Variants in ADAMTSL5 observed in about 807,000 individuals in gnomAD.
ADAMTSL5 encodes the protein ADAMTS like 5.
A neutral mutation model predicts 51.7 loss-of-function variants in ADAMTSL5; 53 were observed. The observed-to-expected ratio is 1.03, with a 90% CI of 0.82 to 1.29. The LOEUF (loss-of-function observed/expected upper bound fraction) is 1.29, where lower values mean the gene tolerates loss of function less well. Ranked by LOEUF, ADAMTSL5 falls within the 50% of genes most tolerant of loss-of-function variation. The pLI is 0.00. For synonymous variants in ADAMTSL5, 285 were observed against 278.7 expected (o/e 1.02, Z -0.23); for missense variants, 770 against 676.2 (o/e 1.14, Z -1.54).
chr19:1,511,411 G>A (rs1041082551), intron 1 of ADAMTSL5, among the ~76,000 whole-genome samples: 3 of 152,170 alleles, frequency 2.0e-5, no homozygotes, highest in African/African-American at 7.2e-5. Context: ...GACCTGAAGT[G>A]ATCCACCTGC....
chr19:1,507,272 G>A lies in ADAMTSL5; in HGVS notation c.822C>T (p.Ala274=), dbSNP rs749853197. ...GGAGCAGGTCATGGGAGGTGGGCCC[G>A]GCTGCTTGCAATGTCTCCTGGGGCC... The part of the protein sequence containing the change: ...DTGPQETLQA[A]GPTSHDLLLQ... The change falls in exon 9 of 12, where the codon GCC becomes GCT. Residue 274 remains alanine (A), a synonymous_variant. Transcript: ENST00000330475. 9 of 1,557,194 alleles carry A rather than the reference G, an allele frequency of 5.8e-6. 1 individual carries two copies. The highest frequency in any genetic ancestry group is 3.7e-5 in the South Asian group (3 of 81,934).
intron 1 of ADAMTSL5, among the ~76,000 whole-genome samples, chr19:1,511,417 C>A (rs1913258959): frequency 6.6e-6 from 1 of 152,208 alleles, no homozygotes; most frequent in Admixed American, 6.5e-5. Context: ...AAGTGATCCA[C>A]CTGCTTTGGC....
chr19:1,507,962 TG>T, intron 7 of ADAMTSL5, 35 bp downstream of exon 7: 1 of 1,551,486 alleles, frequency 6.4e-7, no homozygotes, highest in Non-Finnish European at 8.7e-7. Flanking sequence ...GGGCCCACTC[TG>T]ACGTGTGTGC....
chr19:1,508,334 C>T (rs1913071372), intron 6 of ADAMTSL5, 109 bp downstream of exon 6: 1 of 1,199,114 alleles, frequency 8.3e-7, no homozygotes, highest in Non-Finnish European at 1.1e-6. Context: ...GCGGTGGAGC[C>T]TAGGGAGGGG....
intron 9 of ADAMTSL5, 130 bp from the exon 10 acceptor site, chr19:1,507,058 C>T: frequency 2.3e-6 from 3 of 1,281,858 alleles, no homozygotes; most frequent in Non-Finnish European, 3.2e-6. Flanking sequence ...ATGCTCTGTC[C>T]CTAGCTGATC....
rs1050410311 is a variant in ADAMTSL5 at position 1,510,628 on chromosome 19, G to T, written c.191+11C>A. ...GAGGAGGGGCAGGGACCCCCTCCGG[G>T]CCCCGCTCACCGGAGGCAGCGCCGG... On this transcript the variant is annotated intron_variant, in intron 3 of 11. Transcript: ENST00000330475. 2.0e-6 allele frequency: 3 copies of T among 1,529,422 alleles called. No homozygotes were observed. In the African/African-American group the frequency reaches 4.2e-5, roughly 21 times the overall value. The allele number at this position is 1,529,422 out of a possible 1,614,324, so 94.7% of individuals were successfully genotyped here.
At chr19:1,512,173 G>A (rs961579575) in intron 1 of ADAMTSL5, among the ~76,000 whole-genome samples, 12 of 152,194 alleles carry the variant, frequency 7.9e-5, no homozygotes, top group African/African-American at 2.7e-4. Flanking sequence ...GGTGAGCCCC[G>A]GCCCGGGCAC....
Position 1,510,096 on chromosome 19 carries a change from T to C in ADAMTSL5, c.361+54A>G. The C allele has an allele frequency of 4.9e-6, 7 of 1,414,234 alleles. No individual in the cohort carries two copies. The South Asian group carries it at 9.0e-5, about 18-fold the overall frequency. The allele number at this position is 1,414,234 out of a possible 1,614,324, so 87.6% of individuals were successfully genotyped here. On this transcript the variant is annotated intron_variant, in intron 5 of 11. Transcript: ENST00000330475. ...CCCTCCAAGACCCTCTCCCTGAGACTAATGAGTTGTTCGCTCTGGACCAAT... is the reference window on the plus strand; with the variant it reads ...CCCTCCAAGACCCTCTCCCTGAGACCAATGAGTTGTTCGCTCTGGACCAAT...
At chr19:1,508,762 G>T in intron 5 of ADAMTSL5, 192 bp from the exon 6 acceptor site, 1 of 582,884 alleles carries the variant, frequency 1.7e-6, no homozygotes, top group Non-Finnish European at 2.8e-6. Context: ...GGACTCGCAG[G>T]CAAGTATCCT....
intron 9 of ADAMTSL5, 52 bp downstream of exon 9, chr19:1,507,170 ACCCTCTGTCCCCAGCCTCTC>A (rs932381564): frequency 2.7e-5 from 40 of 1,459,298 alleles, no homozygotes; most frequent in African/African-American, 2.0e-4. Flanking sequence ...CTCCACTCCT[ACCCTCTGTCCCCAGCCTCTC>A]CCCTCTGTCC....
intron 6 of ADAMTSL5, 78 bp downstream of exon 6, chr19:1,508,365 G>A (rs993741048): frequency 2.8e-6 from 4 of 1,438,436 alleles, no homozygotes; most frequent in Middle Eastern, 5.0e-4. Flanking sequence ...ATGGGAGGAG[G>A]GCGGAGGTGG....
At chr19:1,508,203 G>C (rs913873877) in intron 6 of ADAMTSL5, 94 bp from the exon 7 acceptor site, 3 of 1,388,396 alleles carry the variant, frequency 2.2e-6, no homozygotes, top group Non-Finnish European at 2.0e-6. Flanking sequence ...ACGAGGCCTG[G>C]AGGGAAGATG....
chr19:1,508,708 C>A, intron 5 of ADAMTSL5, 138 bp from the exon 6 acceptor site: 2 of 1,279,268 alleles, frequency 1.6e-6, no homozygotes, highest in Non-Finnish European at 2.1e-6. Flanking sequence ...GAGGCTGAGG[C>A]AGAGCCAGGA....
At position 1,508,089 on chromosome 19, in the gene ADAMTSL5, C is replaced by CA. The variant is rs1420293655; in HGVS notation, c.509dup (p.Leu170PhefsTer30). On this transcript the variant is annotated frameshift_variant, in exon 7 of 12. Coordinates refer to ENST00000330475, the MANE Select transcript of ADAMTSL5 (RefSeq NM_213604.3). LOFTEE classifies it high-confidence loss of function. ...GGTCCTCGAGGGCACCCGAGCCCAA[C>CA]AACCCATCACAGCCGGCGCTCTAAA... The CA allele has an allele frequency of 5.0e-6, 8 of 1,609,966 alleles. No homozygotes were observed. Among genetic ancestry groups the CA allele is most frequent in the Non-Finnish European group, 6.8e-6 (8 of 1,178,810 alleles).
chr19:1,508,207 G>T (rs949653529), intron 6 of ADAMTSL5, 98 bp from the exon 7 acceptor site: 1 of 1,364,056 alleles, frequency 7.3e-7, no homozygotes. Context: ...GGCCTGGAGG[G>T]AAGATGGGGG....
chr19:1,512,206 C>T (rs778691126), intron 1 of ADAMTSL5, among the ~76,000 whole-genome samples: 1 of 152,204 alleles, frequency 6.6e-6, no homozygotes, highest in Non-Finnish European at 1.5e-5. Context: ...AGGCTGGGTC[C>T]CACCTGGACC....
rs749599240 is a variant in ADAMTSL5 at position 1,506,070 on chromosome 19, C to G, written c.1361G>C (p.Trp454Ser). 25 of 1,596,602 alleles carry G rather than the reference C, an allele frequency of 1.6e-5. No individual in the cohort carries two copies. The South Asian group carries it at 1.9e-4, about 12-fold the overall frequency. ...LLPHAGYARP[W>S]SPAEDSRIRL... Reference sequence around the variant, plus strand: ...TATGCGGCTGTCCTCCGCAGGGCTCCAGGGCCGGGCGTAGCCGGCGTGGGG... The same window carrying G: ...TATGCGGCTGTCCTCCGCAGGGCTCGAGGGCCGGGCGTAGCCGGCGTGGGG... Residue 454 changes from tryptophan to serine, a missense_variant, in exon 12 of 12, where the codon TGG becomes TCG. By Grantham distance (177) the Trp-to-Ser change is radical. Transcript: ENST00000330475. The surrounding 1 kb of genome is among the most constrained non-coding windows in gnomAD (Gnocchi z 5.6).
chr19:1,506,868 A>G lies in ADAMTSL5; in HGVS notation c.913T>C (p.Tyr305His). 1 of 1,548,354 alleles carries G rather than the reference A, an allele frequency of 6.5e-7. No homozygotes were observed. Among genetic ancestry groups the G allele is most frequent in the Non-Finnish European group, 8.7e-7 (1 of 1,146,016 alleles). The change falls in exon 10 of 12, where the codon TAC (tyrosine) becomes CAC (histidine). Residue 305 changes from tyrosine (Y) to histidine (H), a missense_variant. Tyr to His is a moderately conservative substitution (Grantham distance 83). Coordinates refer to ENST00000330475, the MANE Select transcript of ADAMTSL5 (RefSeq NM_213604.3). The surrounding 1 kb of genome is among the most constrained non-coding windows in gnomAD (Gnocchi z 5.6). Reference sequence around the variant, plus strand: ...TGCACACGAGCCTGGAAGGGGCTGTAGCGCTCCCGAGGGAGCCAGAACTCA... The same window carrying G: ...TGCACACGAGCCTGGAAGGGGCTGTGGCGCTCCCGAGGGAGCCAGAACTCA... ...EFEFWLPRER[Y>H]SPFQARVQAL...
rs774755643 is a variant in ADAMTSL5, at chr19:1,507,653, A to G, written c.602-10T>C. 6.8e-6 allele frequency: 11 copies of G among 1,612,012 alleles called. 1 individual carries two copies. In the South Asian group the frequency reaches 1.2e-4, roughly 18 times the overall value. On this transcript the variant is annotated splice_polypyrimidine_tract_variant and intron_variant, in intron 7 of 11. Transcript: ENST00000330475. ...TACCCAGCGAAGGCACCTGGGTGGG[A>G]GGGTAGGAGGGTGTTGGGGTGCCAG...
Sources: gnomAD v4.1 joint callset for allele counts (sites outside exome capture counted in the v4.1 genomes callset) on GRCh38, gnomAD v4.1.1 for gene constraint, Gnocchi (gnomAD v3.1) non-coding constraint, MANE v1.5 for transcripts, NCBI Gene and HGNC (gene_info 2026-07-23, HGNC 2026-07-21) for gene names.